The following PER2 variants were observed in gnomAD, a reference collection of about 807,000 sequenced individuals.
PER2 encodes the protein period circadian regulator 2.
A neutral mutation model predicts 121.0 loss-of-function variants in PER2; 66 were observed. That is an observed-to-expected ratio of 0.55 (90% CI 0.45 to 0.67). The LOEUF is 0.67. Ranked by LOEUF, PER2 falls within the 30% of genes least tolerant of loss-of-function variation. The pLI is 0.00. For missense variants in PER2, 1,521 were observed against 1,635.0 expected (o/e 0.93, Z 1.20); for synonymous variants, 684 against 659.9 (o/e 1.04, Z -0.56).
At position 238,268,155 on chromosome 2, in the gene PER2, G is replaced by A. The variant is rs1373173024; in HGVS notation, c.868C>T (p.Arg290Cys). 6.2e-7 allele frequency: 1 copy of A among 1,614,090 alleles called. No individual in the cohort carries two copies. The highest frequency in any genetic ancestry group is 1.1e-5 in the South Asian group (1 of 91,086). ...HENEIRYHPF[R>C]MTPYLVKVRD... The stretch of plus-strand genomic sequence containing the variant: ...ACCTTGACCAGGTAGGGCGTCATGC[G>A]GAAGGGGTGGTAGCGGATTTCATTC... The change falls in exon 8 of 23, where the codon CGC becomes TGC. Residue 290 changes from arginine (R) to cysteine (C), a missense_variant. Physicochemically the swap from Arg to Cys is radical, Grantham distance 180. Transcript: ENST00000254657. This position sits in a 1 kb window ranked among gnomAD's most constrained non-coding sequence, Gnocchi z 4.0.
chr2:238,282,210 T>C (rs1201396000), intron 1 of PER2, among the ~76,000 whole-genome samples: 1 of 152,224 alleles, frequency 6.6e-6, no homozygotes, highest in Non-Finnish European at 1.5e-5. Flanking sequence ...CTGTGTGCTC[T>C]GACCACAGAG....
Position 238,262,981 on chromosome 2 carries a change from C to G in PER2, c.1124G>C (p.Arg375Thr), listed in dbSNP as rs749588284. ...PVLVQLHPSD[R>T]PLMLAIHKKI... is the part of the protein sequence containing the mutation. ...TTTGTGGATGGCCAGCATCAAGGGC[C>G]TGTCACTAGGGTGGAGCTGCACGAG... The change falls in exon 10 of 23, where the codon AGG becomes ACG. Residue 375 changes from arginine to threonine, a missense_variant. By Grantham distance (71) the Arg-to-Thr change is moderately conservative. Coordinates refer to ENST00000254657, the MANE Select transcript of PER2 (RefSeq NM_022817.3). The G allele has an allele frequency of 6.2e-7, 1 of 1,613,718 alleles. No individual in the cohort carries two copies.
At chr2:238,265,275 T>C (rs1248002796) in intron 9 of PER2, among the ~76,000 whole-genome samples, 1 of 152,188 alleles carries the variant, frequency 6.6e-6, no homozygotes, top group African/African-American at 2.4e-5. Context: ...AATGGGTTTA[T>C]ATGGGAGAAT....
At chr2:238,288,980 T>C (rs997180920), upstream of PER2, 1 of 152,206 alleles carries the variant, frequency 6.6e-6, no homozygotes, top group African/African-American at 2.4e-5. Context: ...GGTTCCTCAA[T>C]GGAGACGCGG....
At chr2:238,284,193 C>T (rs1696714217) in intron 1 of PER2, among the ~76,000 whole-genome samples, 1 of 152,124 alleles carries the variant, frequency 6.6e-6, no homozygotes, top group South Asian at 2.1e-4. Flanking sequence ...CCTGTAATCC[C>T]AGCATTTTGG....
chr2:238,245,642 A>G lies in PER2; in HGVS notation c.*733T>C, dbSNP rs1695426379. The G allele has an allele frequency of 2.5e-6, 1 of 398,538 alleles. No homozygotes were observed. The highest frequency in any genetic ancestry group is 2.1e-5 in the African/African-American group (1 of 48,640). The allele number at this position is 398,538 out of a possible 1,614,324, so 24.7% of individuals were successfully genotyped here. ...ATGGTCTGAAAAGGAGACAAGAATA[A>G]TGCAGAAATATACAGAGGGTCTGTC... On this transcript the variant is annotated 3_prime_UTR_variant, in exon 23 of 23. Transcript: ENST00000254657.
At chr2:238,255,465 A>G (rs902064365) in intron 18 of PER2, 192 bp downstream of exon 18, 4 of 659,324 alleles carry the variant, frequency 6.1e-6, no homozygotes, top group South Asian at 1.7e-5. Context: ...ATGCAAGCTG[A>G]CATCCCGAGA....
chr2:238,293,356 C>T (rs1047304561), upstream of PER2, among the ~76,000 whole-genome samples: 4 of 152,108 alleles, frequency 2.6e-5, no homozygotes, highest in Non-Finnish European at 4.4e-5. Flanking sequence ...CAACTGACTT[C>T]TCTTATTATC....
chr2:238,289,721 A>G (rs1341254135), upstream of PER2: 3 of 152,324 alleles, frequency 2.0e-5, no homozygotes, highest in Admixed American at 2.0e-4. Flanking sequence ...ACAACGGTGC[A>G]AGCCGTAGAG....
chr2:238,275,744 T>C lies in PER2; in HGVS notation c.447A>G (p.Lys149=). ...AGCAGATGTGCGAGGCCGACGTACC[T>C]TTCACCTGCTTCACGCTCCTGAGGG... is the stretch of plus-strand genomic sequence containing the variant. ...KYALRSVKQV[K]ANEEYYQLLM... Residue 149 remains lysine (K), a splice_region_variant and synonymous_variant, in exon 4 of 23, where the codon AAA becomes AAG. Coordinates refer to ENST00000254657, the MANE Select transcript of PER2 (RefSeq NM_022817.3). The C allele has an allele frequency of 6.2e-7, 1 of 1,613,962 alleles. No homozygotes were observed. Among genetic ancestry groups the C allele is most frequent in the Non-Finnish European group, 8.5e-7 (1 of 1,179,922 alleles).
chr2:238,265,103 T>C (rs886257934), intron 9 of PER2, among the ~76,000 whole-genome samples: 1 of 152,174 alleles, frequency 6.6e-6, no homozygotes, highest in Non-Finnish European at 1.5e-5. Flanking sequence ...GGGACCCAAG[T>C]GGGGCTCTGA....
chr2:238,261,628 G>A, intron 12 of PER2, 101 bp downstream of exon 12: 1 of 756,274 alleles, frequency 1.3e-6, no homozygotes, highest in Non-Finnish European at 2.3e-6. Flanking sequence ...AGATGAAGCT[G>A]TCTGAGTGGG....
Position 238,253,334 on chromosome 2 carries a change from G to C in PER2, c.2689C>G (p.Pro897Ala). ...GCCATGACAGGCGCCAAAGGGGCAG[G>C]GAAAGGTGGGGGCTGGACTGCAAAC... is the stretch of plus-strand genomic sequence containing the variant. ...HQFAVQPPPF[P>A]APLAPVMAFM... The change falls in exon 19 of 23, where the codon CCT becomes GCT. Residue 897 changes from proline (P) to alanine (A), a missense_variant. Transcript: ENST00000254657. This position sits in a 1 kb window ranked among gnomAD's most constrained non-coding sequence, Gnocchi z 5.6. 6.2e-7 allele frequency: 1 copy of C among 1,613,838 alleles called. No homozygotes were observed. The highest frequency in any genetic ancestry group is 1.7e-5 in the Admixed American group (1 of 59,990).
Position 238,246,472 on chromosome 2 carries a change from T to G in PER2, c.3671A>C (p.Glu1224Ala), listed in dbSNP as rs1420883431. ...KEKGNICIPYEEDIPSLGLSE... is the reference protein window; with the variant it reads ...KEKGNICIPYAEDIPSLGLSE... The stretch of plus-strand genomic sequence containing the variant: ...GAGTCCCAGAGAAGGAATATCTTCC[T>G]CATATGGTATGCAAATATTACCTTT... Residue 1224 changes from glutamate (E) to alanine (A), a missense_variant, in exon 23 of 23, where the codon GAG (glutamate) becomes GCG (alanine). Glu to Ala is a moderately radical substitution (Grantham distance 107, BLOSUM62 -1). Coordinates refer to ENST00000254657, the MANE Select transcript of PER2 (RefSeq NM_022817.3). 1 of 1,593,296 alleles carries G rather than the reference T, an allele frequency of 6.3e-7. No individual in the cohort carries two copies. The highest frequency in any genetic ancestry group is 2.2e-5 in the East Asian group (1 of 44,786).
chr2:238,263,875 G>T (rs985774694), intron 9 of PER2, among the ~76,000 whole-genome samples: 4 of 152,104 alleles, frequency 2.6e-5, no homozygotes, highest in Admixed American at 6.5e-5. Flanking sequence ...TTTTCCTTTG[G>T]ACAGGATATA....
intron 9 of PER2, 83 bp from the exon 10 acceptor site, chr2:238,263,141 AAG>A: frequency 1.2e-6 from 1 of 869,446 alleles, no homozygotes. Flanking sequence ...ATTCCCTGGA[AAG>A]AGAAGATACA....
At chr2:238,278,939 G>A (rs1371410315) in intron 1 of PER2, among the ~76,000 whole-genome samples, 1 of 152,214 alleles carries the variant, frequency 6.6e-6, no homozygotes, top group East Asian at 1.9e-4. Context: ...GGCTTGCACT[G>A]CTGTGCTGGT....
At position 238,262,043 on chromosome 2, in the gene PER2, A is replaced by G. The variant is rs1015884880; in HGVS notation, c.1307+148T>C. ...AGAGGACAGGTCACCCCTGCCTAGC[A>G]GTCTGGGGCTCCAGATTGGTGGCAG... On this transcript the variant is annotated intron_variant, in intron 11 of 22. Coordinates refer to ENST00000254657, the MANE Select transcript of PER2 (RefSeq NM_022817.3). 9 of 862,302 alleles carry G rather than the reference A, an allele frequency of 1.0e-5. No individual in the cohort carries two copies. In the Admixed American group the frequency reaches 1.5e-4, roughly 14 times the overall value. 53.4% of individuals were successfully genotyped at this position (862,302 alleles called of 1,614,324 possible). A position where few individuals can be genotyped will look rare whatever the true frequency, so the allele number is the denominator to read the frequency against.
chr2:238,249,620 T>C (rs1056114728), intron 21 of PER2, among the ~76,000 whole-genome samples: 3 of 152,206 alleles, frequency 2.0e-5, no homozygotes, highest in Non-Finnish European at 2.9e-5. Context: ...ACCAGAGGAC[T>C]TAGGGGTTTG....
Sources: gnomAD v4.1 joint callset for allele counts (sites outside exome capture counted in the v4.1 genomes callset) on GRCh38, gnomAD v4.1.1 for gene constraint, Gnocchi (gnomAD v3.1) non-coding constraint, MANE v1.5 for transcripts, NCBI Gene and HGNC (gene_info 2026-07-23, HGNC 2026-07-21) for gene names.